The following PACRGL variants were observed in gnomAD, a reference collection of about 807,000 sequenced individuals.
PACRGL encodes the protein parkin coregulated like, also known as PACRG-like protein.
PACRGL carries 38 observed loss-of-function variants against 34.5 expected under a neutral mutation model. That is an observed-to-expected ratio of 1.10 (90% CI 0.85 to 1.44). The LOEUF (loss-of-function observed/expected upper bound fraction) is 1.44, where lower values mean the gene tolerates loss of function less well. Among genes scored for constraint, PACRGL ranks in the 40% most tolerant of loss-of-function variants. The pLI is 0.00. For missense variants in PACRGL, 305 were observed against 281.4 expected (o/e 1.08, Z -0.60); for synonymous variants, 128 against 100.1 (o/e 1.28, Z -1.66).
At chr4:20,719,742 A>G (rs1742059546) in intron 7 of PACRGL, among the ~76,000 whole-genome samples, 1 of 151,868 alleles carries the variant, frequency 6.6e-6, no homozygotes, top group Non-Finnish European at 1.5e-5. Context: ...GGAGTGCTTT[A>G]CTTCCAACTA....
rs115407965 is a variant in PACRGL, at chr4:20,706,540, G to A, written c.208-1263G>A. On this transcript the variant is annotated intron_variant, in intron 3 of 8. Coordinates refer to ENST00000503585, the MANE Select transcript of PACRGL (RefSeq NM_001258345.3). ...TAGATGAGTGAAACATTCCTCTTGT[G>A]AATTGTTACACATAACATGGATTGA... 6.3e-3 allele frequency among the ~76,000 whole-genome samples: 957 copies of A among 151,596 alleles called. 8 individuals carry two copies. The highest frequency in any genetic ancestry group is 0.022 in the African/African-American group (912 of 41,406).
Position 20,729,955 on chromosome 4 carries a change from C to T in PACRGL, c.*2614C>T. The T allele has an allele frequency of 8.8e-7, 1 of 1,130,388 alleles. No individual in the cohort carries two copies. Among genetic ancestry groups the T allele is most frequent in the Non-Finnish European group, 1.2e-6 (1 of 833,896 alleles). 70.0% of individuals were successfully genotyped at this position (1,130,388 alleles called of 1,614,324 possible). A position where few individuals can be genotyped will look rare whatever the true frequency, so the allele number is the denominator to read the frequency against. On this transcript the variant is annotated 3_prime_UTR_variant, in exon 9 of 9. Coordinates refer to ENST00000503585, the MANE Select transcript of PACRGL (RefSeq NM_001258345.3). The stretch of plus-strand genomic sequence containing the variant: ...TTTTGGGGATTGCTTTATATTAAAA[C>T]AAAGCTTGTTTGCATAATATGCTTC...
At chr4:20,716,930 A>T (rs2149131278) in intron 7 of PACRGL, among the ~76,000 whole-genome samples, 1 of 152,354 alleles carries the variant, frequency 6.6e-6, no homozygotes, top group South Asian at 2.1e-4. Flanking sequence ...CAATGGTTGA[A>T]CTGGTTTACA....
At chr4:20,714,567 G>A (rs537044804) in intron 7 of PACRGL, among the ~76,000 whole-genome samples, 8 of 152,238 alleles carry the variant, frequency 5.3e-5, no homozygotes, top group African/African-American at 1.9e-4. Context: ...TATTTTGCTC[G>A]TTAGTTGATG....
At chr4:20,735,655 G>C (rs1749450450), downstream of PACRGL, among the ~76,000 whole-genome samples, 1 of 150,410 alleles carries the variant, frequency 6.6e-6, no homozygotes, top group Non-Finnish European at 1.5e-5. Context: ...TTCTGCCTCA[G>C]CCTCCCGAGT....
chr4:20,714,179 C>T (rs1560325041), intron 7 of PACRGL, among the ~76,000 whole-genome samples: 1 of 152,110 alleles, frequency 6.6e-6, no homozygotes, highest in Non-Finnish European at 1.5e-5. Context: ...AATCTGGGTG[C>T]TCCTGTATTG....
intron 5 of PACRGL, among the ~76,000 whole-genome samples, chr4:20,711,221 A>G (rs763704035): frequency 6.6e-6 from 1 of 152,064 alleles, no homozygotes; most frequent in Non-Finnish European, 1.5e-5. Flanking sequence ...GAAGCTAATC[A>G]TATTGTACAG....
At chr4:20,697,109 G>A (rs1186466491), upstream of PACRGL, among the ~76,000 whole-genome samples, 1 of 152,122 alleles carries the variant, frequency 6.6e-6, no homozygotes, top group East Asian at 1.9e-4. Context: ...GCTTTCACCT[G>A]AGGAGCCATT....
intron 7 of PACRGL, among the ~76,000 whole-genome samples, chr4:20,714,612 T>C (rs1444652450): frequency 1.3e-5 from 2 of 152,198 alleles, no homozygotes; most frequent in African/African-American, 4.8e-5. Flanking sequence ...CTTTACAATT[T>C]GGCATGATTT....
upstream of PACRGL, among the ~76,000 whole-genome samples, chr4:20,698,595 T>G (rs1731350168): frequency 6.6e-6 from 1 of 152,222 alleles, no homozygotes; most frequent in South Asian, 2.1e-4. Context: ...CACCCACCAC[T>G]TATTGCATAA....
At chr4:20,711,047 A>G (rs188244999) in intron 5 of PACRGL, among the ~76,000 whole-genome samples, 2 of 152,068 alleles carry the variant, frequency 1.3e-5, no homozygotes, top group African/African-American at 4.8e-5. Context: ...AAAGAAGATC[A>G]CATTAGCCAG....
chr4:20,759,888 T>A, the PACRGL span, among the ~76,000 whole-genome samples: 3 of 151,818 alleles, frequency 2.0e-5, no homozygotes, highest in African/African-American at 4.8e-5. Context: ...CTTGTTATCC[T>A]TGGGGCATTG....
intron 8 of PACRGL, among the ~76,000 whole-genome samples, chr4:20,749,390 T>TA (rs757354992): frequency 1.3e-5 from 2 of 152,166 alleles, no homozygotes; most frequent in African/African-American, 2.4e-5. Flanking sequence ...AACTGTTAGT[T>TA]AACTCATTTG....
the PACRGL span, among the ~76,000 whole-genome samples, chr4:20,764,009 A>G: frequency 6.6e-6 from 1 of 152,180 alleles, no homozygotes; most frequent in African/African-American, 2.4e-5. Flanking sequence ...AGATTTTTCT[A>G]AGGATCCAAG....
At chr4:20,734,609 T>C, downstream of PACRGL, 1 of 1,064,288 alleles carries the variant, frequency 9.4e-7, no homozygotes. Context: ...TACTGTGATG[T>C]TGGTGAGGCA....
chr4:20,750,380 G>T (rs564107683), intron 8 of PACRGL, among the ~76,000 whole-genome samples: 17 of 152,172 alleles, frequency 1.1e-4, no homozygotes, highest in Non-Finnish European at 1.6e-4. Flanking sequence ...AGTTTCTGTG[G>T]CTGTGTTGGA....
Position 20,703,477 on chromosome 4 carries a change from AGTGTGT to A in PACRGL, c.-16-960_-16-955del, listed in dbSNP as rs34932810. 5.0e-3 allele frequency among the ~76,000 whole-genome samples: 703 copies of A among 141,480 alleles called. 5 individuals carry two copies. The highest frequency in any genetic ancestry group is 6.9e-3 in the South Asian group (30 of 4,378). 92.8% of individuals were successfully genotyped at this position (141,480 alleles called of 152,430 possible). On this transcript the variant is annotated intron_variant, in intron 1 of 8. Transcript: ENST00000503585. Reference sequence around the variant, plus strand: ...ATACCAGTAGGCACTTGGGTATATGAGTGTGTGTGTGTGTGTGTGTGTGTGTGTGTG... The same window carrying A: ...ATACCAGTAGGCACTTGGGTATATGAGTGTGTGTGTGTGTGTGTGTGTGTG...
chr4:20,745,810 G>T (rs1055751572), intron 8 of PACRGL, among the ~76,000 whole-genome samples: 1 of 152,126 alleles, frequency 6.6e-6, no homozygotes, highest in African/African-American at 2.4e-5. Flanking sequence ...TGACTCCCCT[G>T]ACTCCCTGCC....
the PACRGL span, among the ~76,000 whole-genome samples, chr4:20,765,153 G>C: frequency 1.3e-5 from 2 of 152,158 alleles, no homozygotes; most frequent in Non-Finnish European, 2.9e-5. Flanking sequence ...GGAGATACAG[G>C]AATGAGTTTT....
Sources: allele counts gnomAD v4.1 joint callset (sites outside exome capture counted in the v4.1 genomes callset), GRCh38; gene constraint gnomAD v4.1.1; transcripts MANE v1.5; gene names NCBI Gene and HGNC (gene_info 2026-07-23, HGNC 2026-07-21).